The following DENND5B variants were observed in gnomAD, a reference collection of about 807,000 sequenced individuals.
DENND5B encodes the protein DENN domain-containing protein 5B.
A neutral mutation model predicts 140.6 loss-of-function variants in DENND5B; 34 were observed. The observed-to-expected ratio is 0.24, with a 90% confidence interval of 0.18 to 0.32. DENND5B has a LOEUF of 0.32. DENND5B is among the 10% of genes least tolerant of loss of function. The pLI is 1.00. For synonymous variants in DENND5B, 551 were observed against 562.1 expected, an observed-to-expected ratio of 0.98 and a Z score of 0.28; for missense variants, 1,142 against 1,560.2, an observed-to-expected ratio of 0.73 and a Z score of 4.52.
intron 1 of DENND5B, among the ~76,000 whole-genome samples, chr12:31,579,822 G>A (rs1950157880): frequency 6.6e-6 from 1 of 150,782 alleles, no homozygotes; most frequent in Non-Finnish European, 1.5e-5. Context: ...GAAGAGAGAA[G>A]AGTAATGGGG....
intron 2 of DENND5B, among the ~76,000 whole-genome samples, chr12:31,489,646 A>G (rs563112239): frequency 6.6e-6 from 1 of 152,348 alleles, no homozygotes; most frequent in Admixed American, 6.5e-5. Flanking sequence ...AACAATGAAT[A>G]AGAGACACTG....
intron 8 of DENND5B, among the ~76,000 whole-genome samples, chr12:31,429,908 T>C (rs958752327): frequency 1.3e-5 from 2 of 152,124 alleles, no homozygotes; most frequent in Non-Finnish European, 2.9e-5. Flanking sequence ...GGTTTCACCA[T>C]GTTGGCCAGG....
Position 31,426,535 on chromosome 12 carries a change from T to G in DENND5B, c.2107-111A>C, listed in dbSNP as rs571738528. The G allele has an allele frequency of 1.2e-4, 150 of 1,213,598 alleles. 1 individual carries two copies. The South Asian group carries it at 2.2e-3, about 18-fold the overall frequency. The allele number at this position is 1,213,598 out of a possible 1,614,324, so 75.2% of individuals were successfully genotyped here. A position where few individuals can be genotyped will look rare whatever the true frequency, so the allele number is the denominator to read the frequency against. ...AATGAAATGCAAAAAAGTCCGTAAGTGTATGTGCATATAACAACAATTAAT... is the reference window on the plus strand; with the variant it reads ...AATGAAATGCAAAAAAGTCCGTAAGGGTATGTGCATATAACAACAATTAAT... On this transcript the variant is annotated intron_variant, in intron 8 of 20. Transcript: ENST00000389082.
chr12:31,460,229 C>T lies in DENND5B; in HGVS notation c.1057G>A (p.Gly353Arg). 6.2e-7 allele frequency: 1 copy of T among 1,613,640 alleles called. No homozygotes were observed. Residue 353 changes from glycine to arginine, a missense_variant, in exon 4 of 21, where the codon GGA (glycine) becomes AGA (arginine). Gly to Arg is a moderately radical substitution (Grantham distance 125). This residue lies in a region of DENND5B where 708 missense variants were observed against 905.5 expected (regional missense o/e 0.78). Coordinates refer to ENST00000389082, the MANE Select transcript of DENND5B (RefSeq NM_144973.4). ...AGTTCTAGTTTAGAACGGTCAGTTC[C>T]TTCTTTTGACTGAAGGCCCATCAGA... ...PYLMGLQSKE[G>R]TDRSKLELPQ...
intron 16 of DENND5B, among the ~76,000 whole-genome samples, chr12:31,399,445 AT>A (rs1017835166): frequency 2.7e-5 from 4 of 150,688 alleles, no homozygotes; most frequent in Admixed American, 2.0e-4. Context: ...TGCCCTGCTA[AT>A]TTTTTTTTAT....
intron 1 of DENND5B, among the ~76,000 whole-genome samples, chr12:31,513,838 A>ATTT (rs35872313): frequency 1.7e-4 from 24 of 145,358 alleles, no homozygotes; most frequent in South Asian, 6.6e-4. Flanking sequence ...CTCAGATAAC[A>ATTT]TTTTTTTTTT....
intron 8 of DENND5B, chr12:31,432,339 A>C (rs1943545642): frequency 6.5e-6 from 1 of 152,682 alleles, no homozygotes; most frequent in African/African-American, 2.4e-5. Context: ...AAAATGTTTA[A>C]AATCATATAT....
chr12:31,438,255 G>A (rs1044544692), intron 7 of DENND5B, among the ~76,000 whole-genome samples: 2 of 152,230 alleles, frequency 1.3e-5, no homozygotes, highest in African/African-American at 4.8e-5. Flanking sequence ...TTACAGGCAT[G>A]AGGCACTGCG....
intron 1 of DENND5B, among the ~76,000 whole-genome samples, chr12:31,587,089 G>A (rs1950421911): frequency 6.6e-6 from 1 of 152,086 alleles, no homozygotes; most frequent in Non-Finnish European, 1.5e-5. Context: ...ACCTATGCAT[G>A]CTAGAATGGC....
intron 1 of DENND5B, among the ~76,000 whole-genome samples, chr12:31,546,183 A>T (rs1249832920): frequency 1.3e-5 from 2 of 152,046 alleles, no homozygotes; most frequent in Non-Finnish European, 2.9e-5. Flanking sequence ...TATATGACCC[A>T]TATAATAACA....
chr12:31,537,117 AT>A (rs1948527137), intron 1 of DENND5B, among the ~76,000 whole-genome samples: 1 of 152,254 alleles, frequency 6.6e-6, no homozygotes. Context: ...ACTAATGAGC[AT>A]TAAGAAATTA....
At chr12:31,521,313 CTTTT>C (rs10718996) in intron 1 of DENND5B, among the ~76,000 whole-genome samples, 1 of 147,654 alleles carries the variant, frequency 6.8e-6, no homozygotes, top group African/African-American at 2.5e-5. Flanking sequence ...TACAAAAAAA[CTTTT>C]TTTTTTTTTT....
intron 1 of DENND5B, among the ~76,000 whole-genome samples, chr12:31,551,993 A>G (rs1345415544): frequency 6.6e-6 from 1 of 152,176 alleles, no homozygotes; most frequent in Non-Finnish European, 1.5e-5. Context: ...CTAGATAGAC[A>G]ATCATGTTGT....
At chr12:31,587,525 C>CATTTTT (rs1950435453) in intron 1 of DENND5B, among the ~76,000 whole-genome samples, 1 of 130,522 alleles carries the variant, frequency 7.7e-6, no homozygotes, top group African/African-American at 2.9e-5. Context: ...ACCACAAATA[C>CATTTTT]CTTTTTTTTT....
chr12:31,462,341 T>C (rs887281205), intron 3 of DENND5B, among the ~76,000 whole-genome samples: 4 of 122,590 alleles, frequency 3.3e-5, no homozygotes, highest in African/African-American at 1.3e-4. Context: ...ATGGGTCTTT[T>C]ATCCCAGGGG....
chr12:31,586,199 T>A (rs1165905829), intron 1 of DENND5B, among the ~76,000 whole-genome samples: 4 of 152,224 alleles, frequency 2.6e-5, no homozygotes, highest in African/African-American at 9.6e-5. Flanking sequence ...CAAAATGATG[T>A]CTGCCTTCCC....
At chr12:31,423,012 C>G (rs1943095439) in intron 11 of DENND5B, among the ~76,000 whole-genome samples, 1 of 150,766 alleles carries the variant, frequency 6.6e-6, no homozygotes, top group Non-Finnish European at 1.5e-5. Context: ...GCCTTCTCGG[C>G]TCACTGCAAC....
chr12:31,440,662 GTTTT>G (rs1314004577), intron 7 of DENND5B, among the ~76,000 whole-genome samples: 2 of 152,156 alleles, frequency 1.3e-5, no homozygotes, highest in Non-Finnish European at 1.5e-5. Context: ...CAAACGAAGG[GTTTT>G]TTGTTTTTTT....
At chr12:31,587,265 A>C (rs1950425767) in intron 1 of DENND5B, among the ~76,000 whole-genome samples, 1 of 152,174 alleles carries the variant, frequency 6.6e-6, no homozygotes, top group Admixed American at 6.5e-5. Context: ...ATCAAACTTA[A>C]TACATCCAAA....
Sources: allele counts gnomAD v4.1 joint callset (sites outside exome capture counted in the v4.1 genomes callset), GRCh38; gene constraint gnomAD v4.1.1; regional missense constraint gnomAD v4.1.1; transcripts MANE v1.5; gene names NCBI Gene and HGNC (gene_info 2026-07-23, HGNC 2026-07-21).